SLC16A7: variants seen among roughly 807,000 people sequenced by gnomAD.
SLC16A7 encodes the protein monocarboxylate transporter 2.
In SLC16A7, 33 loss-of-function variants were observed where a neutral mutation model predicts 34.9. The observed-to-expected ratio is 0.94, with a 90% confidence interval of 0.72 to 1.26. The LOEUF is 1.26. SLC16A7 is among the 50% of genes most tolerant of loss of function. SLC16A7 has a pLI of 0.00. For synonymous variants in SLC16A7, 201 were observed against 206.6 expected, an observed-to-expected ratio of 0.97 and a Z score of 0.23; for missense variants, 573 against 578.1, an observed-to-expected ratio of 0.99 and a Z score of 0.09.
chr12:59,739,079 A>C (rs1877970233), intron 3 of SLC16A7, among the ~76,000 whole-genome samples: 1 of 150,850 alleles, frequency 6.6e-6, no homozygotes, highest in Admixed American at 6.6e-5. Context: ...TTTAGGGTAC[A>C]TGTGCACAAT....
chr12:59,743,175 A>T (rs956616272), intron 3 of SLC16A7, among the ~76,000 whole-genome samples: 1 of 152,200 alleles, frequency 6.6e-6, no homozygotes, highest in Non-Finnish European at 1.5e-5. Flanking sequence ...TAAAAAGAGA[A>T]ATTTAGGATG....
intron 1 of SLC16A7, among the ~76,000 whole-genome samples, chr12:59,605,748 C>G (rs1340342395): frequency 6.6e-6 from 1 of 152,144 alleles, no homozygotes; most frequent in African/African-American, 2.4e-5. Flanking sequence ...GCCATCTTCT[C>G]TATGTAGCCA....
At chr12:59,684,059 G>A (rs913505516) in intron 2 of SLC16A7, among the ~76,000 whole-genome samples, 1 of 152,146 alleles carries the variant, frequency 6.6e-6, no homozygotes, top group African/African-American at 2.4e-5. Flanking sequence ...ATGCCAATGT[G>A]GTGAGATAGT....
At chr12:59,723,255 A>G (rs1875824233) in intron 3 of SLC16A7, among the ~76,000 whole-genome samples, 3 of 151,922 alleles carry the variant, frequency 2.0e-5, no homozygotes, top group South Asian at 4.1e-4. Flanking sequence ...CTGCCACTCA[A>G]TAATGTGGTG....
intron 1 of SLC16A7, among the ~76,000 whole-genome samples, chr12:59,619,994 TG>T (rs1455992056): frequency 6.6e-6 from 1 of 151,978 alleles, no homozygotes. Context: ...AGATGGTGTT[TG>T]AGACTAGACA....
At chr12:59,611,947 G>T (rs1461096584) in intron 1 of SLC16A7, among the ~76,000 whole-genome samples, 1 of 152,218 alleles carries the variant, frequency 6.6e-6, no homozygotes, top group East Asian at 1.9e-4. Context: ...CCTGTCACAG[G>T]TGCTTTCACT....
rs185200389 is a variant in SLC16A7, at chr12:59,638,771, T to A, written c.-129-16381T>A. On this transcript the variant is annotated intron_variant, in intron 1 of 5. Transcript: ENST00000547379. ...TCAAATTACGAGAAGAGTTTATGTA[T>A]TTTTATGTATCCTGATGGGTTATTA... 3.9e-3 allele frequency among the ~76,000 whole-genome samples: 587 copies of A among 152,254 alleles called. 3 individuals carry two copies. The highest frequency in any genetic ancestry group is 0.013 in the African/African-American group (560 of 41,558).
At chr12:59,639,049 G>A (rs1880557436) in intron 1 of SLC16A7, among the ~76,000 whole-genome samples, 1 of 152,010 alleles carries the variant, frequency 6.6e-6, no homozygotes, top group Non-Finnish European at 1.5e-5. Context: ...AGTTTTTTCA[G>A]CAATTTTCAA....
intron 2 of SLC16A7, among the ~76,000 whole-genome samples, chr12:59,660,064 G>A (rs1868756405): frequency 6.6e-6 from 1 of 151,946 alleles, no homozygotes; most frequent in Non-Finnish European, 1.5e-5. Context: ...GTTTTATTTT[G>A]TGGTTTTTGT....
At chr12:59,710,003 A>T (rs1874040836) in intron 3 of SLC16A7, among the ~76,000 whole-genome samples, 1 of 151,680 alleles carries the variant, frequency 6.6e-6, no homozygotes, top group South Asian at 2.1e-4. Flanking sequence ...CATTACAAAC[A>T]TGAGGGCTTG....
intron 3 of SLC16A7, among the ~76,000 whole-genome samples, chr12:59,705,833 C>T (rs1873501001): frequency 6.6e-6 from 1 of 151,970 alleles, no homozygotes; most frequent in Admixed American, 6.6e-5. Context: ...TAGACTCAGA[C>T]TATAGTCATT....
intron 2 of SLC16A7, among the ~76,000 whole-genome samples, chr12:59,665,750 TACACAC>T (rs540590107): frequency 1.3e-5 from 2 of 151,248 alleles, no homozygotes; most frequent in African/African-American, 4.9e-5. Context: ...TATATATATA[TACACAC>T]ACACACACAT....
chr12:59,602,439 T>TATTCA (rs1293949439), intron 1 of SLC16A7, among the ~76,000 whole-genome samples: 1 of 151,508 alleles, frequency 6.6e-6, no homozygotes, highest in Non-Finnish European at 1.5e-5. Context: ...TTTCACCTCG[T>TATTCA]ATTCAATATA....
intron 3 of SLC16A7, among the ~76,000 whole-genome samples, chr12:59,759,036 CAT>C (rs1443845956): frequency 6.6e-6 from 1 of 151,852 alleles, no homozygotes; most frequent in Non-Finnish European, 1.5e-5. Flanking sequence ...TAAGGAAAGA[CAT>C]GTACATTCTG....
Position 59,789,556 on chromosome 12 carries a change from T to C in SLC16A7, c.*9877T>C, listed in dbSNP as rs1883851427. 6.6e-6 allele frequency: 1 copy of C among 152,170 alleles called. No individual in the cohort carries two copies. The highest frequency in any genetic ancestry group is 1.9e-4 in the East Asian group (1 of 5,202). The allele number at this position is 152,170 out of a possible 1,614,324, so 9.4% of individuals were successfully genotyped here. ...CAACATTGACCTTGATCATAAGTGC[T>C]TCTATCTGCTGAGCTTTATTTATTG... On this transcript the variant is annotated 3_prime_UTR_variant, in exon 6 of 6. Coordinates refer to ENST00000547379, the MANE Select transcript of SLC16A7 (RefSeq NM_001270623.2).
chr12:59,737,249 GATA>G (rs1332426289), intron 3 of SLC16A7, among the ~76,000 whole-genome samples: 1 of 152,100 alleles, frequency 6.6e-6, no homozygotes, highest in Non-Finnish European at 1.5e-5. Context: ...TAAAAGCCTA[GATA>G]ATAATAATAA....
chr12:59,644,154 G>C (rs982321), intron 1 of SLC16A7, among the ~76,000 whole-genome samples: 11,243 of 149,584 alleles, frequency 0.075, 505 homozygotes, highest in African/African-American at 0.12. Flanking sequence ...ACTTAGTAAA[G>C]GTGGGTGGTC....
chr12:59,778,102 G>A lies in SLC16A7; in HGVS notation c.1181-1321G>A, dbSNP rs144878043. On this transcript the variant is annotated intron_variant, in intron 5 of 5. Coordinates refer to ENST00000547379, the MANE Select transcript of SLC16A7 (RefSeq NM_001270623.2). ...AGTCTTTGCTATTGTGAATAGTGCC[G>A]CAATAAAAAATTCTTAAAACATTTA... Among the ~76,000 whole-genome samples the A allele has an allele frequency of 5.3e-3, 800 of 152,020 alleles. 8 individuals carry two copies. Among genetic ancestry groups the A allele is most frequent in the African/African-American group, 0.015 (621 of 41,482 alleles).
Position 59,782,835 on chromosome 12 carries a change from G to C in SLC16A7, c.*3156G>C, listed in dbSNP as rs1379216600. The C allele has an allele frequency of 2.6e-5, 4 of 152,154 alleles. No individual in the cohort carries two copies. Among genetic ancestry groups the C allele is most frequent in the Non-Finnish European group, 5.9e-5 (4 of 68,022 alleles). 9.4% of individuals were successfully genotyped at this position (152,154 alleles called of 1,614,324 possible). On this transcript the variant is annotated 3_prime_UTR_variant, in exon 6 of 6. Coordinates refer to ENST00000547379, the MANE Select transcript of SLC16A7 (RefSeq NM_001270623.2). ...TAGTGTATTTCACATTGGAAGACATGATGTTTTCTCAGTATAAATCTACAG... is the reference window on the plus strand; with the variant it reads ...TAGTGTATTTCACATTGGAAGACATCATGTTTTCTCAGTATAAATCTACAG...
Sources: gnomAD v4.1 joint callset for allele counts (sites outside exome capture counted in the v4.1 genomes callset) on GRCh38, gnomAD v4.1.1 for gene constraint, MANE v1.5 for transcripts, NCBI Gene and HGNC (gene_info 2026-07-23, HGNC 2026-07-21) for gene names.